Variants in LACTB2 observed in about 807,000 individuals in gnomAD.
LACTB2 encodes endoribonuclease LACTB2.
In LACTB2, 32 loss-of-function variants were observed where a neutral mutation model predicts 34.8. That is an observed-to-expected ratio of 0.92 (90% CI 0.69 to 1.24). The LOEUF is 1.24. Among genes scored for constraint, LACTB2 ranks in the 50% most tolerant of loss-of-function variants. The pLI, the probability that LACTB2 is intolerant of heterozygous loss-of-function variation, is 0.00. For missense variants in LACTB2, 320 were observed against 345.0 expected (o/e 0.93, Z 0.57); for synonymous variants, 120 against 117.5 (o/e 1.02, Z -0.14).
intron 1 of LACTB2, among the ~76,000 whole-genome samples, chr8:70,667,982 T>C (rs1381139873): frequency 2.0e-5 from 3 of 152,174 alleles, no homozygotes; most frequent in Non-Finnish European, 4.4e-5. Context: ...CCTGCTTAAT[T>C]CTCTATCCTC....
intron 3 of LACTB2, among the ~76,000 whole-genome samples, chr8:70,654,174 G>A (rs181147577): frequency 4.4e-4 from 67 of 152,226 alleles, no homozygotes; most frequent in African/African-American, 1.2e-3. Context: ...CCCAGAAAGC[G>A]TTCTTGATAT....
chr8:70,637,901 T>C lies in LACTB2; in HGVS notation c.826A>G (p.Ser276Gly). The change falls in exon 7 of 7, where the codon AGC becomes GGC. Residue 276 changes from serine (S) to glycine (G), a missense_variant and splice_region_variant. Ser to Gly is a moderately conservative substitution (Grantham distance 56, BLOSUM62 0). Transcript: ENST00000276590. The stretch of plus-strand genomic sequence containing the variant: ...CATTTCTTGTCAGGATCTGTGTTGC[T>C]AACTGTAAAAAGAAAATCAGAGAGT... ...KKLEKEGKIF[S>G]NTDPDKKWKA... The C allele has an allele frequency of 6.5e-7, 1 of 1,537,980 alleles. No homozygotes were observed. Among genetic ancestry groups the C allele is most frequent in the Non-Finnish European group, 8.8e-7 (1 of 1,139,054 alleles).
chr8:70,641,053 G>C lies in LACTB2; in HGVS notation c.593-3C>G, dbSNP rs879031873. On this transcript the variant is annotated splice_region_variant and splice_polypyrimidine_tract_variant and intron_variant, in intron 4 of 6. Coordinates refer to ENST00000276590, the MANE Select transcript of LACTB2 (RefSeq NM_016027.3). ...ATTATGAATTACTGGGCCATGTCCTGAATTAAAATAATTATAAGAGTTACT... is the reference window on the plus strand; with the variant it reads ...ATTATGAATTACTGGGCCATGTCCTCAATTAAAATAATTATAAGAGTTACT... The C allele has an allele frequency of 6.3e-7, 1 of 1,585,142 alleles. No individual in the cohort carries two copies. The highest frequency in any genetic ancestry group is 1.2e-5 in the South Asian group (1 of 84,284).
Position 70,641,067 on chromosome 8 carries a change from A to C in LACTB2, c.593-17T>G, listed in dbSNP as rs982042998. 1.9e-6 allele frequency: 3 copies of C among 1,576,800 alleles called. No individual in the cohort carries two copies. The highest frequency in any genetic ancestry group is 2.6e-6 in the Non-Finnish European group (3 of 1,166,556). On this transcript the variant is annotated splice_polypyrimidine_tract_variant and intron_variant, in intron 4 of 6. Coordinates refer to ENST00000276590, the MANE Select transcript of LACTB2 (RefSeq NM_016027.3). ...GGCCATGTCCTGAATTAAAATAATT[A>C]TAAGAGTTACTTCAGTCAGATAAAA...
chr8:70,663,714 G>C (rs919643160), intron 1 of LACTB2, among the ~76,000 whole-genome samples: 1 of 152,160 alleles, frequency 6.6e-6, no homozygotes, highest in Non-Finnish European at 1.5e-5. Context: ...ACCCTGGAGG[G>C]AGCAAATTTG....
intron 3 of LACTB2, among the ~76,000 whole-genome samples, chr8:70,645,555 T>C (rs552365590): frequency 4.6e-5 from 7 of 152,196 alleles, no homozygotes; most frequent in Admixed American, 4.6e-4. Context: ...GCAGGTTAGT[T>C]ACGTATGTAT....
chr8:70,646,409 A>G (rs1240385766), intron 3 of LACTB2: 1 of 152,240 alleles, frequency 6.6e-6, no homozygotes, highest in African/African-American at 2.4e-5. Context: ...GACACTCTCA[A>G]AAGAAGACAT....
intron 3 of LACTB2, chr8:70,651,734 G>A (rs904041191): frequency 5.9e-5 from 9 of 152,100 alleles, no homozygotes; most frequent in South Asian, 2.1e-4. Flanking sequence ...TTAAATTGGG[G>A]AATCAGTAAT....
chr8:70,648,113 T>C (rs1818286618), intron 3 of LACTB2, among the ~76,000 whole-genome samples: 2 of 152,220 alleles, frequency 1.3e-5, no homozygotes, highest in Admixed American at 6.5e-5. Flanking sequence ...ACGATACCAA[T>C]GTTGGAAAGT....
At chr8:70,668,950 G>A (rs769283222) in intron 1 of LACTB2, 49 bp downstream of exon 1, 2 of 1,551,416 alleles carry the variant, frequency 1.3e-6, no homozygotes, top group Non-Finnish European at 8.7e-7. Flanking sequence ...CAAAGCCCGG[G>A]CTCCGGGGCC....
At chr8:70,641,087 A>T (rs1443199170) in intron 4 of LACTB2, 37 bp from the exon 5 acceptor site, 2 of 1,527,866 alleles carry the variant, frequency 1.3e-6, no homozygotes, top group South Asian at 2.6e-5. Context: ...CTTCAGTCAG[A>T]TAAAAAAATA....
At chr8:70,654,485 T>C (rs1219719613) in intron 3 of LACTB2, 1 of 151,982 alleles carries the variant, frequency 6.6e-6, no homozygotes, top group Non-Finnish European at 1.5e-5. Context: ...GACAGTAAGA[T>C]AAAGGAGGAA....
At chr8:70,654,086 C>T (rs1369091862) in intron 3 of LACTB2, 2 of 152,176 alleles carry the variant, frequency 1.3e-5, no homozygotes, top group East Asian at 3.8e-4. Context: ...CCCCCCTCCA[C>T]AAAACCACAA....
At chr8:70,667,748 C>T (rs936260524) in intron 1 of LACTB2, among the ~76,000 whole-genome samples, 8 of 152,182 alleles carry the variant, frequency 5.3e-5, no homozygotes, top group Non-Finnish European at 8.8e-5. Flanking sequence ...TCTGTTTCAA[C>T]GCTGGAAAAA....
Position 70,644,247 on chromosome 8 carries a change from G to A in LACTB2, c.414-4C>T, listed in dbSNP as rs1400907103. ...GTGGCCAGGGGTATATAGAACTCTG[G>A]TTGAAAGAAGAAATAAGGAATAATA... On this transcript the variant is annotated splice_region_variant and splice_polypyrimidine_tract_variant and intron_variant, in intron 3 of 6. Transcript: ENST00000276590. The A allele has an allele frequency of 6.5e-7, 1 of 1,543,728 alleles. No individual in the cohort carries two copies. The highest frequency in any genetic ancestry group is 8.7e-7 in the Non-Finnish European group (1 of 1,147,590).
chr8:70,651,481 T>C (rs1031350243), intron 3 of LACTB2, among the ~76,000 whole-genome samples: 1 of 152,120 alleles, frequency 6.6e-6, no homozygotes, highest in Non-Finnish European at 1.5e-5. Context: ...TTGTGGACAA[T>C]CTTATGAATA....
chr8:70,668,930 C>T, intron 1 of LACTB2, 69 bp downstream of exon 1: 2 of 1,541,952 alleles, frequency 1.3e-6, no homozygotes, highest in African/African-American at 1.4e-5. Context: ...CCCGCGCAGC[C>T]GCGATCAGTC....
intron 3 of LACTB2, among the ~76,000 whole-genome samples, chr8:70,650,735 C>CAAAAAAA (rs61025700): frequency 2.2e-4 from 10 of 46,204 alleles, no homozygotes; most frequent in African/African-American, 2.7e-4. Context: ...GACTCCATCT[C>CAAAAAAA]AAAAAAAAAA....
chr8:70,668,897 A>C (rs961090857), intron 1 of LACTB2, 102 bp downstream of exon 1: 53 of 1,487,428 alleles, frequency 3.6e-5, no homozygotes, highest in Non-Finnish European at 4.6e-5. Context: ...CCAGCTAGGG[A>C]CAGGACGCGG....
Sources: allele counts gnomAD v4.1 joint callset (sites outside exome capture counted in the v4.1 genomes callset), GRCh38; gene constraint gnomAD v4.1.1; transcripts MANE v1.5; gene names NCBI Gene and HGNC (gene_info 2026-07-23, HGNC 2026-07-21).